MTMR9: variants seen among roughly 807,000 people sequenced by gnomAD.
The protein encoded by MTMR9 is myotubularin related protein 9, also known as myotubularin-related protein 9.
A neutral mutation model predicts 69.5 loss-of-function variants in MTMR9; 39 were observed. The ratio of observed to expected loss-of-function variants is 0.56; its 90% CI spans 0.43 to 0.73. The LOEUF (loss-of-function observed/expected upper bound fraction) is 0.73. MTMR9 is among the 30% of genes least tolerant of loss of function. The pLI, the probability that MTMR9 is intolerant of heterozygous loss-of-function variation, is 0.00. For missense variants in MTMR9, 900 were observed against 671.2 expected (o/e 1.34, Z -3.77); for synonymous variants, 354 against 240.8 (o/e 1.47, Z -4.35).
chr8:11,306,577 A>G (rs1263133137), intron 5 of MTMR9, among the ~76,000 whole-genome samples, 170 bp downstream of exon 5: 1 of 152,006 alleles, frequency 6.6e-6, no homozygotes, highest in Non-Finnish European at 1.5e-5. Context: ...TTAAGGTTTG[A>G]TTGACAAATA....
At chr8:11,290,505 T>C (rs1799343514) in intron 1 of MTMR9, among the ~76,000 whole-genome samples, 1 of 152,174 alleles carries the variant, frequency 6.6e-6, no homozygotes, top group South Asian at 2.1e-4. Flanking sequence ...GTGGCTTGTC[T>C]TAAGAACTCC....
Position 11,328,138 on chromosome 8 carries a change from T to C in MTMR9, c.*5350T>C, listed in dbSNP as rs1159105057. On this transcript the variant is annotated 3_prime_UTR_variant, in exon 10 of 10. Coordinates refer to ENST00000221086, the MANE Select transcript of MTMR9 (RefSeq NM_015458.4). ...AAATCTGAATATATTTAAGTGCTAA[T>C]AAATTAAATCTGTGGGCTTATTTGA... 2 of 147,358 alleles carry C rather than the reference T, an allele frequency of 1.4e-5. No individual in the cohort carries two copies. The highest frequency in any genetic ancestry group is 4.1e-4 in the East Asian group (2 of 4,892). 9.1% of individuals were successfully genotyped at this position (147,358 alleles called of 1,614,324 possible).
At position 11,309,637 on chromosome 8, in the gene MTMR9, A is replaced by T. The variant is rs1301794672; in HGVS notation, c.920A>T (p.His307Leu). ...SKLEASNWLT[H>L]IKEILTTACL... ...TTGGAGGCCTCTAACTGGCTGACTC[A>T]CATCAAAGAGATTCTGACAACTGCC... The change falls in exon 6 of 10, where the codon CAC (histidine) becomes CTC (leucine). Residue 307 changes from histidine (H) to leucine (L), a missense_variant. Coordinates refer to ENST00000221086, the MANE Select transcript of MTMR9 (RefSeq NM_015458.4). 6.2e-6 allele frequency: 10 copies of T among 1,613,990 alleles called. No homozygotes were observed. Among genetic ancestry groups the T allele is most frequent in the Non-Finnish European group, 8.5e-6 (10 of 1,179,886 alleles).
intron 5 of MTMR9, 29 bp from the exon 6 acceptor site, chr8:11,309,498 G>A (rs763781467): frequency 1.9e-6 from 3 of 1,569,264 alleles, no homozygotes; most frequent in African/African-American, 1.4e-5. Flanking sequence ...TTCTGGGTTT[G>A]TTATTTTTTA....
chr8:11,298,051 C>G (rs1295661005), intron 2 of MTMR9: 3 of 394,850 alleles, frequency 7.6e-6, no homozygotes, highest in Non-Finnish European at 1.6e-5. Flanking sequence ...CGTAGAATCC[C>G]ATTGGAAGAA....
intron 6 of MTMR9, among the ~76,000 whole-genome samples, chr8:11,313,501 G>C (rs889393346): frequency 2.0e-5 from 3 of 152,162 alleles, no homozygotes; most frequent in African/African-American, 2.4e-5. Context: ...CTCAGCTTTC[G>C]ACGTGCCTTC....
chr8:11,319,052 A>G (rs1274561821), intron 8 of MTMR9: 1 of 152,200 alleles, frequency 6.6e-6, no homozygotes, highest in Non-Finnish European at 1.5e-5. Flanking sequence ...TACTCATGTA[A>G]CCAAATACCA....
intron 8 of MTMR9, chr8:11,318,717 C>G (rs1224795531): frequency 6.6e-6 from 1 of 152,036 alleles, no homozygotes; most frequent in Admixed American, 6.6e-5. Flanking sequence ...TATTATGAAG[C>G]CTGTTCATTG....
chr8:11,337,704 A>G, the MTMR9 span, among the ~76,000 whole-genome samples: 2 of 152,368 alleles, frequency 1.3e-5, no homozygotes, highest in South Asian at 4.1e-4. Context: ...ACTATTTCTC[A>G]TGATCCTTGA....
At chr8:11,306,117 A>G (rs1299021283) in intron 4 of MTMR9, 73 bp from the exon 5 acceptor site, 1 of 1,284,470 alleles carries the variant, frequency 7.8e-7, no homozygotes, top group African/African-American at 1.5e-5. Flanking sequence ...CTCTTAATCT[A>G]GCTAATTTCT....
chr8:11,289,938 C>T (rs978229467), intron 1 of MTMR9, among the ~76,000 whole-genome samples: 5 of 152,170 alleles, frequency 3.3e-5, no homozygotes, highest in Admixed American at 6.5e-5. Flanking sequence ...CATACTCATT[C>T]ATGTCCCTTT....
intron 1 of MTMR9, among the ~76,000 whole-genome samples, chr8:11,287,640 C>G (rs1022360837): frequency 6.9e-6 from 1 of 145,382 alleles, no homozygotes; most frequent in African/African-American, 2.6e-5. Context: ...GACAATCAAG[C>G]AAGTCCAGAA....
At chr8:11,335,663 C>A in the MTMR9 span, among the ~76,000 whole-genome samples, 3 of 152,128 alleles carry the variant, frequency 2.0e-5, no homozygotes, top group African/African-American at 7.2e-5. Flanking sequence ...ATTATAAAGC[C>A]ACGTTAATCA....
intron 2 of MTMR9, among the ~76,000 whole-genome samples, chr8:11,295,864 G>A (rs879900034): frequency 5.9e-5 from 9 of 152,248 alleles, no homozygotes; most frequent in South Asian, 2.1e-4. Context: ...GGACTGGGGG[G>A]ACCTAGAAGC....
the MTMR9 span, among the ~76,000 whole-genome samples, chr8:11,338,979 A>G: frequency 1.3e-5 from 2 of 152,318 alleles, no homozygotes; most frequent in East Asian, 3.9e-4. Context: ...GGGACTCCTG[A>G]TGCCACCATG....
At chr8:11,305,419 G>T (rs543094418) in intron 4 of MTMR9, among the ~76,000 whole-genome samples, 1 of 152,166 alleles carries the variant, frequency 6.6e-6, no homozygotes, top group African/African-American at 2.4e-5. Flanking sequence ...TATTTTCAAA[G>T]GTGAAAAGAG....
At chr8:11,306,700 T>C (rs1799953384) in intron 5 of MTMR9, among the ~76,000 whole-genome samples, 1 of 152,244 alleles carries the variant, frequency 6.6e-6, no homozygotes, top group African/African-American at 2.4e-5. Context: ...TTTTGGATGG[T>C]GAGAACATTT....
intron 1 of MTMR9, among the ~76,000 whole-genome samples, chr8:11,289,139 T>C (rs2117350804): frequency 6.6e-6 from 1 of 152,286 alleles, no homozygotes; most frequent in South Asian, 2.1e-4. Context: ...ACCACTGAAC[T>C]CCACCCTGGG....
rs572979564 is a variant in MTMR9 at position 11,326,109 on chromosome 8, T to C, written c.*3321T>C. ...AAAAATCAGTATCATGGAAAAGATA[T>C]GACCATAATTTAGTCTCCTCAAGTG... On this transcript the variant is annotated 3_prime_UTR_variant, in exon 10 of 10. Transcript: ENST00000221086. The C allele has an allele frequency of 6.6e-5, 10 of 152,324 alleles. No individual in the cohort carries two copies. The South Asian group carries it at 1.7e-3, about 25-fold the overall frequency. The allele number at this position is 152,324 out of a possible 1,614,324, so 9.4% of individuals were successfully genotyped here.
Sources: allele counts gnomAD v4.1 joint callset (sites outside exome capture counted in the v4.1 genomes callset), GRCh38; gene constraint gnomAD v4.1.1; transcripts MANE v1.5; gene names NCBI Gene and HGNC (gene_info 2026-07-23, HGNC 2026-07-21).